Variants in CPEB1 observed in about 807,000 individuals in gnomAD.
CPEB1 encodes cytoplasmic polyadenylation element binding protein 1.
In CPEB1, 7 loss-of-function variants were observed where a neutral mutation model predicts 65.8. That is an observed-to-expected ratio of 0.11 (90% confidence interval 0.06 to 0.20). The LOEUF is 0.20. Among genes scored for constraint, CPEB1 ranks in the 10% least tolerant of loss-of-function variants. The pLI, the probability that CPEB1 is intolerant of heterozygous loss-of-function variation, is 1.00. For missense variants in CPEB1, 551 were observed against 712.2 expected (o/e 0.77, Z 2.58); for synonymous variants, 262 against 260.0 (o/e 1.01, Z -0.08).
chr15:82,606,089 A>T (rs2043559386), intron 3 of CPEB1, among the ~76,000 whole-genome samples: 1 of 152,222 alleles, frequency 6.6e-6, no homozygotes, highest in Non-Finnish European at 1.5e-5. Flanking sequence ...GGAGGAGAAA[A>T]TAAAGCGATA....
intron 5 of CPEB1, chr15:82,556,384 C>G (rs1445678659): frequency 2.7e-6 from 1 of 364,698 alleles, no homozygotes; most frequent in Non-Finnish European, 4.9e-6. Context: ...ATTTAGGGAA[C>G]AAGGTACATC....
chr15:82,559,373 C>T (rs1267188387), intron 4 of CPEB1, among the ~76,000 whole-genome samples: 1 of 152,148 alleles, frequency 6.6e-6, no homozygotes, highest in Non-Finnish European at 1.5e-5. Context: ...ACAGGGGAAA[C>T]TGTAGATATA....
intron 3 of CPEB1, among the ~76,000 whole-genome samples, chr15:82,578,300 G>A (rs560331046): frequency 5.3e-5 from 8 of 152,246 alleles, no homozygotes; most frequent in African/African-American, 7.2e-5. Flanking sequence ...AGGAATGAAC[G>A]CAACTATCAG....
At chr15:82,610,033 C>A (rs532072782) in intron 3 of CPEB1, among the ~76,000 whole-genome samples, 7 of 144,658 alleles carry the variant, frequency 4.8e-5, no homozygotes, top group Non-Finnish European at 8.9e-5. Context: ...GCACTCCAGC[C>A]TAGGCAACAA....
intron 1 of CPEB1, chr15:82,628,809 G>C (rs2045990698): frequency 5.0e-6 from 1 of 201,182 alleles, no homozygotes; most frequent in Non-Finnish European, 1.0e-5. Flanking sequence ...TCCACTTAAT[G>C]AACAGTAAAT....
At chr15:82,614,027 G>A (rs74028533) in intron 3 of CPEB1, among the ~76,000 whole-genome samples, 253 of 152,122 alleles carry the variant, frequency 1.7e-3, no homozygotes, top group African/African-American at 5.9e-3. Context: ...AAGCCCACCG[G>A]GAGAGAGACA....
intron 3 of CPEB1, among the ~76,000 whole-genome samples, chr15:82,623,875 A>C (rs1377609395): frequency 1.3e-5 from 2 of 152,076 alleles, no homozygotes; most frequent in Non-Finnish European, 2.9e-5. Context: ...TCTTCTATAA[A>C]CATTATATTT....
chr15:82,617,935 G>A (rs913728324), intron 3 of CPEB1, among the ~76,000 whole-genome samples: 12 of 151,060 alleles, frequency 7.9e-5, no homozygotes, highest in South Asian at 2.1e-4. Flanking sequence ...GGGTTTCACC[G>A]TTTTAGCCGG....
chr15:82,544,616 G>A lies in CPEB1; in HGVS notation c.1743C>T (p.Asn581=), dbSNP rs1465366016. 34 of 1,612,952 alleles carry A rather than the reference G, an allele frequency of 2.1e-5. No individual in the cohort carries two copies. The highest frequency in any genetic ancestry group is 2.8e-5 in the Non-Finnish European group (33 of 1,179,822). ...GLRHHSPLMR[N]QKNRDSS ...TCTAGCTGGAATCTCGGTTCTTCTG[G>A]TTCCGCATCAGGGGGCTGTGGTGGC... The change falls in exon 13 of 13, where the codon AAC becomes AAT. Residue 581 remains asparagine (N), a synonymous_variant. Coordinates refer to ENST00000684509, the MANE Select transcript of CPEB1 (RefSeq NM_001365242.1).
intron 3 of CPEB1, among the ~76,000 whole-genome samples, chr15:82,584,949 A>C (rs2041661962): frequency 7.1e-6 from 1 of 141,232 alleles, no homozygotes; most frequent in African/African-American, 2.8e-5. Flanking sequence ...AACAAGAAAA[A>C]AAATGCAAGC....
chr15:82,626,149 A>G (rs186698703), intron 3 of CPEB1, among the ~76,000 whole-genome samples: 2 of 151,666 alleles, frequency 1.3e-5, no homozygotes, highest in Non-Finnish European at 2.9e-5. Flanking sequence ...AAAATATAAA[A>G]TAAAGGCCGG....
intron 6 of CPEB1, 59 bp from the exon 7 acceptor site, chr15:82,554,050 C>CT: frequency 9.4e-7 from 1 of 1,058,296 alleles, no homozygotes; most frequent in Non-Finnish European, 1.4e-6. Flanking sequence ...AAGCCACACT[C>CT]TTCCCTGGGG....
chr15:82,551,607 A>G (rs1379065703), intron 9 of CPEB1, among the ~76,000 whole-genome samples: 2 of 152,162 alleles, frequency 1.3e-5, no homozygotes, highest in Non-Finnish European at 2.9e-5. Flanking sequence ...TTTTACTAAA[A>G]TAGGCATTTT....
intron 11 of CPEB1, 29 bp downstream of exon 11, chr15:82,547,112 CCA>C: frequency 1.3e-6 from 2 of 1,491,306 alleles, no homozygotes; most frequent in East Asian, 2.3e-5. Flanking sequence ...CTCATATACC[CCA>C]GAGTAAGGGC....
rs1446865175 is a variant in CPEB1 at position 82,543,468 on chromosome 15, A to ATTT, written c.*1123_*1124insAAA. 470 of 150,540 alleles carry ATTT rather than the reference A, an allele frequency of 3.1e-3. 4 individuals are homozygous for ATTT. Among genetic ancestry groups the ATTT allele is most frequent in the African/African-American group, 0.011 (439 of 40,820 alleles). The allele number at this position is 150,540 out of a possible 1,614,324, so 9.3% of individuals were successfully genotyped here. The stretch of plus-strand genomic sequence containing the variant: ...GGGTTTTTTGTTTCTTTTTAAAAAA[A>ATTT]AAAAAAAAAAAAAAAAGGAAAGAAA... On this transcript the variant is annotated 3_prime_UTR_variant, in exon 13 of 13. Coordinates refer to ENST00000684509, the MANE Select transcript of CPEB1 (RefSeq NM_001365242.1).
rs552268099 is a variant in CPEB1 at position 82,614,574 on chromosome 15, T to TG, written c.271+12618dup. 5.5e-3 allele frequency among the ~76,000 whole-genome samples: 832 copies of TG among 151,846 alleles called. 7 individuals are homozygous for TG. The highest frequency in any genetic ancestry group is 8.8e-3 in the Non-Finnish European group (600 of 67,948). On this transcript the variant is annotated intron_variant, in intron 3 of 12. Coordinates refer to ENST00000684509, the MANE Select transcript of CPEB1 (RefSeq NM_001365242.1). Reference sequence around the variant, plus strand: ...TCCTAGATATTATCAGTACCAAATGTGGGGGGGAGTACAATTTGAACACAA... The same window carrying TG: ...TCCTAGATATTATCAGTACCAAATGTGGGGGGGGAGTACAATTTGAACACAA...
chr15:82,548,414 G>A (rs2035654674), intron 10 of CPEB1, among the ~76,000 whole-genome samples: 1 of 152,146 alleles, frequency 6.6e-6, no homozygotes, highest in Non-Finnish European at 1.5e-5. Flanking sequence ...AAAACTCAAT[G>A]GGGCCACATT....
chr15:82,639,348 C>T (rs1328730173), intron 1 of CPEB1, among the ~76,000 whole-genome samples: 1 of 152,198 alleles, frequency 6.6e-6, no homozygotes, highest in African/African-American at 2.4e-5. Context: ...ATTTCCAACA[C>T]TCTATAAGGT....
chr15:82,645,644 C>G (rs1009153863), intron 1 of CPEB1, among the ~76,000 whole-genome samples: 2 of 151,902 alleles, frequency 1.3e-5, no homozygotes, highest in African/African-American at 4.8e-5. Flanking sequence ...CCGAGGTGGG[C>G]GGATCACGAG....
Sources: gnomAD v4.1 joint callset for allele counts (sites outside exome capture counted in the v4.1 genomes callset) on GRCh38, gnomAD v4.1.1 for gene constraint, MANE v1.5 for transcripts, NCBI Gene and HGNC (gene_info 2026-07-23, HGNC 2026-07-21) for gene names.